FSD1L: variants seen among roughly 807,000 people sequenced by gnomAD.
The protein encoded by FSD1L is FSD1-like protein.
In FSD1L, 45 loss-of-function variants were observed where a neutral mutation model predicts 71.6. That is an observed-to-expected ratio of 0.63 (90% confidence interval 0.49 to 0.81). FSD1L has a LOEUF of 0.81. Ranked by LOEUF, FSD1L falls within the 30% of genes least tolerant of loss-of-function variation. The pLI, the probability that FSD1L is intolerant of heterozygous loss-of-function variation, is 0.00. For synonymous variants in FSD1L, 197 were observed against 207.2 expected, an observed-to-expected ratio of 0.95 and a Z score of 0.42; for missense variants, 561 against 618.1, an observed-to-expected ratio of 0.91 and a Z score of 0.98.
intron 7 of FSD1L, among the ~76,000 whole-genome samples, chr9:105,485,725 G>T (rs1313754022): frequency 6.6e-6 from 1 of 151,050 alleles, no homozygotes; most frequent in African/African-American, 2.4e-5. Flanking sequence ...CTCACTGCAA[G>T]CTCTGCCTCC....
At chr9:105,472,836 TTTC>T (rs1831561073) in intron 5 of FSD1L, 1 of 152,218 alleles carries the variant, frequency 6.6e-6, no homozygotes, top group Admixed American at 6.5e-5. Context: ...CTTTAATTGA[TTTC>T]TTCTTTTAAA....
chr9:105,490,479 T>G (rs1832853978), intron 7 of FSD1L, among the ~76,000 whole-genome samples: 1 of 152,036 alleles, frequency 6.6e-6, no homozygotes, highest in African/African-American at 2.4e-5. Flanking sequence ...GATGGTAGTT[T>G]CTTTTGCTGT....
Position 105,484,522 on chromosome 9 carries a change from G to A in FSD1L, c.586+20G>A. The A allele has an allele frequency of 7.0e-7, 1 of 1,430,222 alleles. No homozygotes were observed. The highest frequency in any genetic ancestry group is 1.6e-5 in the South Asian group (1 of 64,144). 88.6% of individuals were successfully genotyped at this position (1,430,222 alleles called of 1,614,324 possible). A position where few individuals can be genotyped will look rare whatever the true frequency, so the allele number is the denominator to read the frequency against. On this transcript the variant is annotated intron_variant, in intron 7 of 13. Coordinates refer to ENST00000481272, the MANE Select transcript of FSD1L (RefSeq NM_001145313.3). ...TGCCAGGTAAATACATGTATTACAT[G>A]TAAAGTTTTGTATAAAACTTTTTTT...
chr9:105,478,660 C>G (rs956205675), intron 5 of FSD1L, among the ~76,000 whole-genome samples: 5 of 151,426 alleles, frequency 3.3e-5, no homozygotes, highest in Admixed American at 1.3e-4. Context: ...TAAACTTGTG[C>G]TTGCATAAAA....
intron 10 of FSD1L, chr9:105,522,215 T>C: frequency 1.2e-6 from 2 of 1,613,834 alleles, no homozygotes; most frequent in Non-Finnish European, 1.7e-6. Context: ...CGTTGACCTA[T>C]TGGGAAGAGT....
At chr9:105,522,133 C>G (rs1230888257) in intron 10 of FSD1L, 1 of 1,613,726 alleles carries the variant, frequency 6.2e-7, no homozygotes, top group Admixed American at 1.7e-5. Flanking sequence ...CTTATAGTTG[C>G]CTGGATCAAA....
chr9:105,469,705 T>G (rs1239149046), intron 4 of FSD1L, among the ~76,000 whole-genome samples: 2 of 107,994 alleles, frequency 1.9e-5, no homozygotes, highest in African/African-American at 3.2e-5. Context: ...TTCACAGGTT[T>G]TTTTTTTTTT....
intron 1 of FSD1L, among the ~76,000 whole-genome samples, chr9:105,459,492 C>T (rs1383626823): frequency 6.6e-6 from 1 of 152,220 alleles, no homozygotes. Flanking sequence ...TTCATTTGCT[C>T]ATCCTCTCTA....
chr9:105,547,095 C>G lies in FSD1L; in HGVS notation c.*612C>G, dbSNP rs1041483435. ...TCCAAAATATTGTGATAAGAAATTT[C>G]TAGACACAACAGCTTAAAATCACCC... On this transcript the variant is annotated 3_prime_UTR_variant, in exon 14 of 14. Coordinates refer to ENST00000481272, the MANE Select transcript of FSD1L (RefSeq NM_001145313.3). 5 of 152,168 alleles carry G rather than the reference C, an allele frequency of 3.3e-5. No homozygotes were observed. The highest frequency in any genetic ancestry group is 5.9e-5 in the Non-Finnish European group (4 of 67,934). 9.4% of individuals were successfully genotyped at this position (152,168 alleles called of 1,614,324 possible).
chr9:105,502,252 G>A (rs1023546657), intron 7 of FSD1L, among the ~76,000 whole-genome samples: 2 of 152,070 alleles, frequency 1.3e-5, no homozygotes, highest in African/African-American at 2.4e-5. Context: ...GTATTGTAAT[G>A]GTAAGGATTA....
intron 10 of FSD1L, among the ~76,000 whole-genome samples, chr9:105,527,364 T>C (rs1835578500): frequency 1.3e-5 from 2 of 152,086 alleles, no homozygotes. Flanking sequence ...TATAAATATG[T>C]TGTTCAAATT....
upstream of FSD1L, among the ~76,000 whole-genome samples, chr9:105,446,416 G>A (rs1489722606): frequency 3.9e-5 from 6 of 152,054 alleles, no homozygotes; most frequent in African/African-American, 1.4e-4. Context: ...CCAGGCTGGA[G>A]TGCAGTGGTG....
chr9:105,483,879 CTA>C (rs1422439049), intron 6 of FSD1L, among the ~76,000 whole-genome samples: 1 of 152,116 alleles, frequency 6.6e-6, no homozygotes, highest in Non-Finnish European at 1.5e-5. Flanking sequence ...AACTACCAAA[CTA>C]TACAATATTA....
chr9:105,498,465 C>G (rs1173269334), intron 7 of FSD1L, among the ~76,000 whole-genome samples: 2 of 151,884 alleles, frequency 1.3e-5, no homozygotes, highest in Non-Finnish European at 2.9e-5. Context: ...TGTTACTGTA[C>G]TGAATACTGT....
At chr9:105,544,416 A>G (rs1260879065) in intron 13 of FSD1L, among the ~76,000 whole-genome samples, 1 of 152,136 alleles carries the variant, frequency 6.6e-6, no homozygotes, top group African/African-American at 2.4e-5. Context: ...GCTATGCAGA[A>G]GCTCTTCAGT....
At chr9:105,515,253 G>A (rs1040992267) in intron 10 of FSD1L, among the ~76,000 whole-genome samples, 1 of 152,126 alleles carries the variant, frequency 6.6e-6, no homozygotes, top group Non-Finnish European at 1.5e-5. Flanking sequence ...TAGATGGCAC[G>A]GCTGTCTTCT....
chr9:105,448,611 C>G (rs571214038), intron 1 of FSD1L, among the ~76,000 whole-genome samples: 74 of 91,418 alleles, frequency 8.1e-4, no homozygotes, highest in Non-Finnish European at 1.2e-3. Context: ...GTGAGGAAAC[C>G]GAGGCACAGC....
intron 10 of FSD1L, among the ~76,000 whole-genome samples, chr9:105,528,877 A>G (rs573542037): frequency 1.1e-3 from 161 of 152,342 alleles, no homozygotes; most frequent in African/African-American, 3.5e-3. Context: ...TTTGCAATCT[A>G]TCCATCTGAC....
intron 7 of FSD1L, among the ~76,000 whole-genome samples, chr9:105,485,523 T>C (rs1832479811): frequency 6.8e-6 from 1 of 146,912 alleles, no homozygotes; most frequent in Non-Finnish European, 1.5e-5. Context: ...TAACAACCTT[T>C]TGGTTAGGTG....
Sources: allele counts gnomAD v4.1 joint callset (sites outside exome capture counted in the v4.1 genomes callset), GRCh38; gene constraint gnomAD v4.1.1; transcripts MANE v1.5; gene names NCBI Gene and HGNC (gene_info 2026-07-23, HGNC 2026-07-21).